The following TRIM58 variants were observed in gnomAD, a reference collection of about 807,000 sequenced individuals.
TRIM58 encodes tripartite motif containing 58, also known as E3 ubiquitin-protein ligase TRIM58.
A neutral mutation model predicts 34.1 loss-of-function variants in TRIM58; 38 were observed. The observed-to-expected ratio is 1.12, with a 90% confidence interval of 0.86 to 1.46. TRIM58 has a LOEUF of 1.46. TRIM58 is among the 40% of genes most tolerant of loss of function. The pLI is 0.00. For synonymous variants in TRIM58, 273 were observed against 275.7 expected (o/e 0.99, Z 0.10); for missense variants, 677 against 642.0 (o/e 1.05, Z -0.59).
intron 1 of TRIM58, 27 bp downstream of exon 1, chr1:247,857,693 G>C: frequency 2.5e-6 from 3 of 1,216,124 alleles, no homozygotes; most frequent in Non-Finnish European, 1.0e-6. Context: ...CGGGGGCTGC[G>C]GGCGCTGCGG....
intron 2 of TRIM58, among the ~76,000 whole-genome samples, chr1:247,864,413 C>G (rs943525530): frequency 2.6e-5 from 4 of 152,126 alleles, no homozygotes; most frequent in African/African-American, 9.7e-5. Flanking sequence ...CTCCCCAAAA[C>G]CTCACATTTT....
chr1:247,864,749 G>C lies in TRIM58; in HGVS notation c.561G>C (p.Glu187Asp). ...GGCAGCGCTTCAGATTGGAGTTTGA[G>C]AAGCATCGTGGCTTTCTGGCCCAGG... ...MQRQRFRLEFEKHRGFLAQEE... is the reference protein window; with the variant it reads ...MQRQRFRLEFDKHRGFLAQEE... The change falls in exon 3 of 6, where the codon GAG becomes GAC. Residue 187 changes from glutamate to aspartate, a missense_variant. Physicochemically the swap from Glu to Asp is conservative, Grantham distance 45 (BLOSUM62 2). Transcript: ENST00000366481. 6.2e-7 allele frequency: 1 copy of C among 1,614,198 alleles called. No individual in the cohort carries two copies. Among genetic ancestry groups the C allele is most frequent in the East Asian group, 2.2e-5 (1 of 44,868 alleles).
intron 3 of TRIM58, among the ~76,000 whole-genome samples, chr1:247,866,961 C>T (rs952477349): frequency 6.6e-6 from 1 of 152,140 alleles, no homozygotes. Context: ...TAAAACTTAT[C>T]TGACTGGCAA....
Position 247,877,423 on chromosome 1 carries a change from A to C in TRIM58, c.*934A>C, listed in dbSNP as rs914579139. The stretch of plus-strand genomic sequence containing the variant: ...CTGTCTCTACTAAAAAAAAAAAAAA[A>C]ATAGAAAAATTAGCTGGGCATGGTG... On this transcript the variant is annotated 3_prime_UTR_variant, in exon 6 of 6. Coordinates refer to ENST00000366481, the MANE Select transcript of TRIM58 (RefSeq NM_015431.4). The C allele has an allele frequency of 1.3e-5, 2 of 151,304 alleles. No individual in the cohort carries two copies. Among genetic ancestry groups the C allele is most frequent in the African/African-American group, 4.9e-5 (2 of 40,878 alleles). The allele number at this position is 151,304 out of a possible 1,614,324, so 9.4% of individuals were successfully genotyped here.
chr1:247,863,492 C>T (rs142451395), intron 2 of TRIM58, among the ~76,000 whole-genome samples: 1,907 of 151,730 alleles, frequency 0.013, 21 homozygotes, highest in Middle Eastern at 0.038. Context: ...GAGCCGAGAT[C>T]GCGCCACTGC....
At chr1:247,870,406 T>G (rs1659088513) in intron 5 of TRIM58, among the ~76,000 whole-genome samples, 1 of 122,028 alleles carries the variant, frequency 8.2e-6, no homozygotes, top group Non-Finnish European at 1.7e-5. Context: ...CCATAGAGCC[T>G]GCACCACCAC....
At position 247,879,757 on chromosome 1, in the gene TRIM58, C is replaced by T. The variant is rs747881611; in HGVS notation, c.*3268C>T. Among the ~76,000 whole-genome samples, 13 of 151,432 alleles carry T rather than the reference C, an allele frequency of 8.6e-5. No homozygotes were observed. Among genetic ancestry groups the T allele is most frequent in the Non-Finnish European group, 1.5e-4 (10 of 67,972 alleles). On this transcript the variant is annotated 3_prime_UTR_variant, in exon 6 of 6. Transcript: ENST00000366481. ...CGCCTGTGGCTTCTGCTTGACATTC[C>T]CTTTTCCCTGATATCCCCTTGACTC... is the stretch of plus-strand genomic sequence containing the variant.
chr1:247,864,453 G>A (rs993795987), intron 2 of TRIM58, among the ~76,000 whole-genome samples: 1 of 152,110 alleles, frequency 6.6e-6, no homozygotes, highest in African/African-American at 2.4e-5. Flanking sequence ...CAGTATAAAA[G>A]TGCCTTGCCC....
chr1:247,872,414 T>C (rs550926673), intron 5 of TRIM58, among the ~76,000 whole-genome samples: 17 of 152,318 alleles, frequency 1.1e-4, no homozygotes, highest in South Asian at 8.3e-4. Flanking sequence ...TGTTGGATTA[T>C]ATATGATGTG....
Position 247,860,701 on chromosome 1 carries a change from G to A in TRIM58, c.505G>A (p.Val169Ile). 2 of 1,613,294 alleles carry A rather than the reference G, an allele frequency of 1.2e-6. No homozygotes were observed. Among genetic ancestry groups the A allele is most frequent in the Non-Finnish European group, 1.7e-6 (2 of 1,179,386 alleles). ...TQEANVGKKT[V>I]IWKEKVEMQR... is the part of the protein sequence containing the mutation. ...GGAGGCCAACGTGGGGAAAAAGACTGTCATTTGGAAGGTAAGACCATGTTG... is the reference window on the plus strand; with the variant it reads ...GGAGGCCAACGTGGGGAAAAAGACTATCATTTGGAAGGTAAGACCATGTTG... The change falls in exon 2 of 6, where the codon GTC (valine) becomes ATC (isoleucine). Residue 169 changes from valine to isoleucine, a missense_variant. Coordinates refer to ENST00000366481, the MANE Select transcript of TRIM58 (RefSeq NM_015431.4).
At position 247,877,414 on chromosome 1, in the gene TRIM58, A is replaced by G. The variant is rs1659315321; in HGVS notation, c.*925A>G. The stretch of plus-strand genomic sequence containing the variant: ...GGTGAAACCCTGTCTCTACTAAAAA[A>G]AAAAAAAAAATAGAAAAATTAGCTG... On this transcript the variant is annotated 3_prime_UTR_variant, in exon 6 of 6. Coordinates refer to ENST00000366481, the MANE Select transcript of TRIM58 (RefSeq NM_015431.4). The G allele has an allele frequency of 6.6e-6, 1 of 151,716 alleles. No individual in the cohort carries two copies. Among genetic ancestry groups the G allele is most frequent in the South Asian group, 2.1e-4 (1 of 4,810 alleles). 9.4% of individuals were successfully genotyped at this position (151,716 alleles called of 1,614,324 possible).
Position 247,857,606 on chromosome 1 carries a change from C to G in TRIM58, c.360C>G (p.Ala120=). The G allele has an allele frequency of 8.0e-7, 1 of 1,257,024 alleles. No homozygotes were observed. Among genetic ancestry groups the G allele is most frequent in the Non-Finnish European group, 1.0e-6 (1 of 1,004,140 alleles). The allele number at this position is 1,257,024 out of a possible 1,614,324, so 77.9% of individuals were successfully genotyped here. Residue 120 remains alanine (A), a synonymous_variant, in exon 1 of 6, where the codon GCC becomes GCG. Coordinates refer to ENST00000366481, the MANE Select transcript of TRIM58 (RefSeq NM_015431.4). The part of the protein sequence containing the change: ...DEAALCWVCD[A]GPEHRTHRTA... ...CGGCGCTGTGCTGGGTGTGCGACGC[C>G]GGCCCCGAGCACAGGACGCACCGCA...
In TRIM58 at chr1:247,857,494, G is replaced by A. The variant is rs777854573; in HGVS notation, c.248G>A (p.Arg83Gln). 3.8e-5 allele frequency: 50 copies of A among 1,308,770 alleles called. No homozygotes were observed. The East Asian group carries it at 1.3e-3, about 35-fold the overall frequency. The allele number at this position is 1,308,770 out of a possible 1,614,324, so 81.1% of individuals were successfully genotyped here. A position where few individuals can be genotyped will look rare whatever the true frequency, so the allele number is the denominator to read the frequency against. ...RQLAGLVESVRRLGLGAGPGA... is the reference protein window; with the variant it reads ...RQLAGLVESVQRLGLGAGPGA... ...CTGGCGGGCCTGGTGGAGAGCGTGC[G>A]GCGGCTGGGGTTGGGCGCGGGGCCC... The change falls in exon 1 of 6, where the codon CGG (arginine) becomes CAG (glutamine). Residue 83 changes from arginine to glutamine, a missense_variant. By Grantham distance (43) the Arg-to-Gln change is conservative. Transcript: ENST00000366481.
rs1254580683 is a variant in TRIM58 at position 247,876,525 on chromosome 1, A to G, written c.*36A>G. 2.6e-6 allele frequency: 4 copies of G among 1,546,934 alleles called. No homozygotes were observed. The highest frequency in any genetic ancestry group is 3.5e-6 in the Non-Finnish European group (4 of 1,132,518). On this transcript the variant is annotated 3_prime_UTR_variant, in exon 6 of 6. Transcript: ENST00000366481. The stretch of plus-strand genomic sequence containing the variant: ...CCAAGATGCAGTCCTAGCGTAGCGA[A>G]CGTTCCTGGAGTGGGGTGAAGGATA...
In TRIM58 at chr1:247,878,187, A is replaced by ATAAAT. The variant is rs1659333604; in HGVS notation, c.*1699_*1703dup. 1 of 151,572 alleles carries ATAAAT rather than the reference A, an allele frequency of 6.6e-6. No individual in the cohort carries two copies. Among genetic ancestry groups the ATAAAT allele is most frequent in the South Asian group, 2.1e-4 (1 of 4,814 alleles). 9.4% of individuals were successfully genotyped at this position (151,572 alleles called of 1,614,324 possible). A position where few individuals can be genotyped will look rare whatever the true frequency, so the allele number is the denominator to read the frequency against. The stretch of plus-strand genomic sequence containing the variant: ...CAAAAATAAATAAATAAATAAATAA[A>ATAAAT]TAAATAAATAAATAAATAAATATTA... On this transcript the variant is annotated 3_prime_UTR_variant, in exon 6 of 6. Coordinates refer to ENST00000366481, the MANE Select transcript of TRIM58 (RefSeq NM_015431.4).
At chr1:247,863,512 TG>T in intron 2 of TRIM58, among the ~76,000 whole-genome samples, 1 of 151,528 alleles carries the variant, frequency 6.6e-6, no homozygotes, top group Non-Finnish European at 1.5e-5. Context: ...CACTCTAGCC[TG>T]GGTGACAGAG....
chr1:247,875,334 T>C (rs1476934629), intron 5 of TRIM58, among the ~76,000 whole-genome samples: 1 of 152,140 alleles, frequency 6.6e-6, no homozygotes, highest in East Asian at 1.9e-4. Flanking sequence ...AAATTTTATG[T>C]TAAATGCAGA....
At chr1:247,875,544 TC>T (rs1406345985) in intron 5 of TRIM58, among the ~76,000 whole-genome samples, 1 of 141,560 alleles carries the variant, frequency 7.1e-6, no homozygotes, top group Non-Finnish European at 1.5e-5. Context: ...TCTCTCTGTC[TC>T]TCTCTCTCTC....
chr1:247,876,065 A>G lies in TRIM58; in HGVS notation c.1037A>G (p.His346Arg), dbSNP rs1292915420. The change falls in exon 6 of 6, where the codon CAT (histidine) becomes CGT (arginine). Residue 346 changes from histidine to arginine, a missense_variant. Transcript: ENST00000366481. ...LGLQSFSSGR[H>R]YWEVLVGEGA... ...TTGCAGAGCTTCTCATCAGGGAGGC[A>G]TTACTGGGAGGTTCTGGTGGGAGAA... 1 of 1,614,180 alleles carries G rather than the reference A, an allele frequency of 6.2e-7. No homozygotes were observed. The highest frequency in any genetic ancestry group is 8.5e-7 in the Non-Finnish European group (1 of 1,180,034).
Sources: gnomAD v4.1 joint callset for allele counts (sites outside exome capture counted in the v4.1 genomes callset) on GRCh38, gnomAD v4.1.1 for gene constraint, MANE v1.5 for transcripts, NCBI Gene and HGNC (gene_info 2026-07-23, HGNC 2026-07-21) for gene names.